THSD4: variants seen among roughly 807,000 people sequenced by gnomAD.
The protein encoded by THSD4 is thrombospondin type 1 domain containing 4, also known as thrombospondin type-1 domain-containing protein 4.
In THSD4, 69 loss-of-function variants were observed where a neutral mutation model predicts 119.0. The observed-to-expected ratio is 0.58, with a 90% CI of 0.48 to 0.71. The LOEUF is 0.71. Ranked by LOEUF, THSD4 falls within the 30% of genes least tolerant of loss-of-function variation. The pLI is 0.00. For synonymous variants in THSD4, 524 were observed against 540.4 expected (o/e 0.97, Z 0.42); for missense variants, 1,393 against 1,391.1 (o/e 1.00, Z -0.02).
At chr15:71,107,252 T>C (rs1214064684) in intron 1 of THSD4, among the ~76,000 whole-genome samples, 1 of 152,166 alleles carries the variant, frequency 6.6e-6, no homozygotes, top group Non-Finnish European at 1.5e-5. Context: ...GTTTGACATG[T>C]GCAATTAACT....
intron 7 of THSD4, among the ~76,000 whole-genome samples, chr15:71,640,096 C>A (rs1403845395): frequency 6.6e-6 from 1 of 151,922 alleles, no homozygotes; most frequent in Non-Finnish European, 1.5e-5. Flanking sequence ...CTTTCTTTTT[C>A]TTTTATTGGA....
chr15:71,385,527 A>C (rs1168090138), intron 6 of THSD4, among the ~76,000 whole-genome samples: 1 of 152,250 alleles, frequency 6.6e-6, no homozygotes, highest in Non-Finnish European at 1.5e-5. Context: ...GAAGGATTGT[A>C]CAGAAAACAG....
chr15:71,306,883 G>A lies in THSD4; in HGVS notation c.1015+50168G>A, dbSNP rs140386196. 2.1e-3 allele frequency among the ~76,000 whole-genome samples: 318 copies of A among 152,252 alleles called. 2 individuals carry two copies. The highest frequency in any genetic ancestry group is 7.5e-3 in the African/African-American group (310 of 41,528). On this transcript the variant is annotated intron_variant, in intron 6 of 17. Coordinates refer to ENST00000261862, the MANE Select transcript of THSD4 (RefSeq NM_024817.3). ...ATCCTTGTTGCACTTCTCCTTCACA[G>A]AGCATTCTTTAGAAATACCAGTTTG...
In THSD4 at chr15:71,401,056, C is replaced by A. The variant is rs561552317; in HGVS notation, c.1016-10631C>A. Among the ~76,000 whole-genome samples, 5 of 152,280 alleles carry A rather than the reference C, an allele frequency of 3.3e-5. No homozygotes were observed. The South Asian group carries it at 1.0e-3, about 32-fold the overall frequency. On this transcript the variant is annotated intron_variant, in intron 6 of 17. Transcript: ENST00000261862. Reference sequence around the variant, plus strand: ...TGTGCAATTGTGGGAAAAGCTTGAACCTCGTTTCCTTCCACTTTTTGTCCC... The same window carrying A: ...TGTGCAATTGTGGGAAAAGCTTGAAACTCGTTTCCTTCCACTTTTTGTCCC...
rs192770625 is a variant in THSD4 at position 71,223,149 on chromosome 15, G to A, written c.464+7750G>A. Reference sequence around the variant, plus strand: ...TTATCGTGTCTTCATTACAACCTGTGTGACAGATGCGTGGTGTTCTCATTT... The same window carrying A: ...TTATCGTGTCTTCATTACAACCTGTATGACAGATGCGTGGTGTTCTCATTT... On this transcript the variant is annotated intron_variant, in intron 4 of 17. Coordinates refer to ENST00000261862, the MANE Select transcript of THSD4 (RefSeq NM_024817.3). Among the ~76,000 whole-genome samples, 254 of 152,264 alleles carry A rather than the reference G, an allele frequency of 1.7e-3. 3 individuals are homozygous for A. The highest frequency in any genetic ancestry group is 0.016 in the Admixed American group (245 of 15,294).
In THSD4 at chr15:71,757,930, G is replaced by A. The variant is rs541227361; in HGVS notation, c.2444G>A (p.Arg815Gln). ...TCAGCGGAGTGTGGGGCCGGAGTGCGGACACGCTCGGTGGTGTGCATGACC... is the reference window on the plus strand; with the variant it reads ...TCAGCGGAGTGTGGGGCCGGAGTGCAGACACGCTCGGTGGTGTGCATGACC... ...RCSAECGAGV[R>Q]TRSVVCMTNH... is the part of the protein sequence containing the mutation. Residue 815 changes from arginine to glutamine, a missense_variant, in exon 15 of 18, where the codon CGG (arginine) becomes CAG (glutamine). Transcript: ENST00000261862. 9.9e-6 allele frequency: 16 copies of A among 1,613,784 alleles called. No individual in the cohort carries two copies. In the East Asian group the frequency reaches 1.3e-4, roughly 13 times the overall value.
At chr15:71,386,787 C>CTT (rs2046298733) in intron 6 of THSD4, among the ~76,000 whole-genome samples, 1 of 152,136 alleles carries the variant, frequency 6.6e-6, no homozygotes, top group Non-Finnish European at 1.5e-5. Flanking sequence ...TTAAAAGAAA[C>CTT]TTTAAGTGTT....
chr15:71,309,214 T>G (rs2043913410), intron 6 of THSD4, among the ~76,000 whole-genome samples: 1 of 152,176 alleles, frequency 6.6e-6, no homozygotes, highest in South Asian at 2.1e-4. Flanking sequence ...CCTCCCAAAT[T>G]GCTAGGATTA....
intron 14 of THSD4, 55 bp from the exon 15 acceptor site, chr15:71,757,847 G>A: frequency 6.2e-7 from 1 of 1,600,194 alleles, no homozygotes; most frequent in African/African-American, 1.3e-5. Flanking sequence ...ATTTGAAAGT[G>A]GCTTCAGCAG....
chr15:71,251,504 C>T (rs2044258688), intron 5 of THSD4, among the ~76,000 whole-genome samples: 1 of 152,200 alleles, frequency 6.6e-6, no homozygotes, highest in Non-Finnish European at 1.5e-5. Flanking sequence ...CCCAAGGTCA[C>T]ACAGCCACTT....
Position 71,665,452 on chromosome 15 carries a change from G to T in THSD4, c.1357+4718G>T, listed in dbSNP as rs538795417. ...TTTTCTCCCATTCTGTAGGGTATCTGTTTACTCTGTTGACAGTTTCTTTTG... is the reference window on the plus strand; with the variant it reads ...TTTTCTCCCATTCTGTAGGGTATCTTTTTACTCTGTTGACAGTTTCTTTTG... On this transcript the variant is annotated intron_variant, in intron 8 of 17. Coordinates refer to ENST00000261862, the MANE Select transcript of THSD4 (RefSeq NM_024817.3). Among the ~76,000 whole-genome samples, 3 of 152,182 alleles carry T rather than the reference G, an allele frequency of 2.0e-5. No homozygotes were observed. The South Asian group carries it at 6.2e-4, about 32-fold the overall frequency.
At chr15:71,392,919 T>C (rs2046395529) in intron 6 of THSD4, among the ~76,000 whole-genome samples, 1 of 152,226 alleles carries the variant, frequency 6.6e-6, no homozygotes, top group Admixed American at 6.5e-5. Flanking sequence ...TGCCACACTT[T>C]GTGTGGCCAC....
chr15:71,519,518 C>A (rs746359090), intron 7 of THSD4, among the ~76,000 whole-genome samples: 19 of 152,058 alleles, frequency 1.2e-4, no homozygotes, highest in Non-Finnish European at 2.4e-4. Context: ...CCCACCACCA[C>A]ACCTAGCTAA....
chr15:71,553,811 C>T (rs2048971487), intron 7 of THSD4, among the ~76,000 whole-genome samples: 2 of 152,186 alleles, frequency 1.3e-5, no homozygotes, highest in Admixed American at 1.3e-4. Flanking sequence ...AATCTACTTA[C>T]ATAGTGAATA....
At chr15:71,572,932 G>A (rs1440375936) in intron 7 of THSD4, among the ~76,000 whole-genome samples, 1 of 152,138 alleles carries the variant, frequency 6.6e-6, no homozygotes, top group African/African-American at 2.4e-5. Context: ...TAAGATACCT[G>A]GGAAGGCATG....
chr15:71,761,756 T>C lies in THSD4; in HGVS notation c.2590-3264T>C, dbSNP rs544350992. On this transcript the variant is annotated intron_variant, in intron 15 of 17. Coordinates refer to ENST00000261862, the MANE Select transcript of THSD4 (RefSeq NM_024817.3). ...TTGCTAAAGACTATAACCCAGGAAG[T>C]CTTTCAAATAGGATTTGTAAGTGGT... Among the ~76,000 whole-genome samples the C allele has an allele frequency of 2.0e-5, 3 of 152,344 alleles. No homozygotes were observed. In the East Asian group the frequency reaches 5.8e-4, roughly 29 times the overall value.
Position 71,164,758 on chromosome 15 carries a change from G to A in THSD4, c.99+9826G>A, listed in dbSNP as rs1256842291. 278 of 1,590,592 alleles carry A rather than the reference G, an allele frequency of 1.7e-4. 1 individual carries two copies. The highest frequency in any genetic ancestry group is 2.3e-4 in the Non-Finnish European group (266 of 1,172,110). ...TTTATAGACAAGAAAAAAAAACTGC[G>A]CTAGAACCAACTTATTCATCATCAT... On this transcript the variant is annotated intron_variant, in intron 3 of 17. Coordinates refer to ENST00000261862, the MANE Select transcript of THSD4 (RefSeq NM_024817.3).
intron 6 of THSD4, among the ~76,000 whole-genome samples, chr15:71,268,248 A>G (rs961158110): frequency 2.6e-5 from 4 of 151,748 alleles, no homozygotes; most frequent in African/African-American, 4.8e-5. Context: ...AACGGAAACC[A>G]TAACAGTCTC....
intron 1 of THSD4, among the ~76,000 whole-genome samples, chr15:71,125,882 T>C (rs2040450637): frequency 6.6e-6 from 1 of 152,184 alleles, no homozygotes; most frequent in Non-Finnish European, 1.5e-5. Context: ...AGTAGACGTG[T>C]GTTTGTGTTG....
Sources: gnomAD v4.1 joint callset for allele counts (sites outside exome capture counted in the v4.1 genomes callset) on GRCh38, gnomAD v4.1.1 for gene constraint, MANE v1.5 for transcripts, NCBI Gene and HGNC (gene_info 2026-07-23, HGNC 2026-07-21) for gene names.